The following DCLK3 variants were observed in gnomAD, a reference collection of about 807,000 sequenced individuals.
DCLK3 encodes doublecortin like kinase 3, also known as serine/threonine-protein kinase DCLK3.
DCLK3 carries 30 observed loss-of-function variants against 46.4 expected under a neutral mutation model. That is an observed-to-expected ratio of 0.65 (90% CI 0.48 to 0.88). The LOEUF (loss-of-function observed/expected upper bound fraction) is 0.88. Ranked by LOEUF, DCLK3 falls within the 40% of genes least tolerant of loss-of-function variation. DCLK3 has a pLI of 0.00. For missense variants in DCLK3, 846 were observed against 907.1 expected, an observed-to-expected ratio of 0.93 and a Z score of 0.87; for synonymous variants, 401 against 339.2, an observed-to-expected ratio of 1.18 and a Z score of -2.00.
Position 36,715,319 on chromosome 3 carries a change from A to G in DCLK3, c.*9T>C, listed in dbSNP as rs368184483. 1.9e-6 allele frequency: 3 copies of G among 1,613,910 alleles called. No homozygotes were observed. In the South Asian group the frequency reaches 3.3e-5, roughly 18 times the overall value. On this transcript the variant is annotated 3_prime_UTR_variant, in exon 5 of 5. Coordinates refer to ENST00000636136, the MANE Select transcript of DCLK3 (RefSeq NM_001394672.2). ...GAACTGGGGGCTGGACAGATTCCCA[A>G]GGTGGTGACTATGATACCTGCTCCA... is the stretch of plus-strand genomic sequence containing the variant.
At position 36,737,670 on chromosome 3, in the gene DCLK3, T is replaced by C; in HGVS notation, c.1497A>G (p.Glu499=). The C allele has an allele frequency of 6.2e-7, 1 of 1,613,826 alleles. No homozygotes were observed. Among genetic ancestry groups the C allele is most frequent in the Non-Finnish European group, 8.5e-7 (1 of 1,179,912 alleles). The change falls in exon 2 of 5, where the codon GAA becomes GAG. Residue 499 remains glutamate (E), a synonymous_variant. Transcript: ENST00000636136. This position sits in a 1 kb window ranked among gnomAD's most constrained non-coding sequence, Gnocchi z 4.4. ...KLEKEPKTRP[E]ENKPERPSGR... is the part of the protein sequence containing the mutation. Reference sequence around the variant, plus strand: ...CGCTGGGCCGCTCTGGCTTGTTCTCTTCTGGCCTCGTCTTGGGCTCCTTTT... The same window carrying C: ...CGCTGGGCCGCTCTGGCTTGTTCTCCTCTGGCCTCGTCTTGGGCTCCTTTT...
rs562664410 is a variant in DCLK3 at position 36,716,744 on chromosome 3, C to A, written c.2261-1223G>T. On this transcript the variant is annotated intron_variant, in intron 4 of 4. Coordinates refer to ENST00000636136, the MANE Select transcript of DCLK3 (RefSeq NM_001394672.2). ...TAAGGAAGTGATCTAGAAGAGGGGA[C>A]CTGGGCTCTGGGGGCACATCCCCTA... 2.6e-5 allele frequency among the ~76,000 whole-genome samples: 4 copies of A among 152,338 alleles called. No individual in the cohort carries two copies. The East Asian group carries it at 7.7e-4, about 29-fold the overall frequency.
intron 1 of DCLK3, among the ~76,000 whole-genome samples, chr3:36,753,558 T>G (rs1559394703): frequency 6.6e-6 from 1 of 152,228 alleles, no homozygotes; most frequent in Admixed American, 6.5e-5. Context: ...GCCTCTGCCG[T>G]TTTTGCCTTG....
At chr3:36,759,619 C>T (rs921378999) in intron 1 of DCLK3, among the ~76,000 whole-genome samples, 6 of 152,192 alleles carry the variant, frequency 3.9e-5, no homozygotes, top group African/African-American at 1.4e-4. Context: ...TGATCAAGTC[C>T]TCCCCATCAC....
At chr3:36,732,571 A>G (rs991982302) in intron 2 of DCLK3, among the ~76,000 whole-genome samples, 1 of 152,228 alleles carries the variant, frequency 6.6e-6, no homozygotes, top group Non-Finnish European at 1.5e-5. Context: ...AAATTGGCCA[A>G]TGACCTAAAG....
Position 36,737,376 on chromosome 3 carries a change from G to T in DCLK3, c.1791C>A (p.Tyr597Ter). ...HEVYETDMEI[Y>*]LILEYVQGGD... is the part of the protein sequence containing the mutation. ...CTCCCTGCACGTACTCCAGGATCAG[G>T]TAGATTTCCATGTCTGTTTCGTAGA... Residue 597 changes from tyrosine to a stop codon, truncating the protein, a stop_gained, in exon 2 of 5, where the codon TAC (tyrosine) becomes TAA (stop). Coordinates refer to ENST00000636136, the MANE Select transcript of DCLK3 (RefSeq NM_001394672.2). LOFTEE classifies it high-confidence loss of function. This position sits in a 1 kb window ranked among gnomAD's most constrained non-coding sequence, Gnocchi z 4.4. 6.2e-7 allele frequency: 1 copy of T among 1,614,190 alleles called. No homozygotes were observed. Among genetic ancestry groups the T allele is most frequent in the South Asian group, 1.1e-5 (1 of 91,070 alleles).
chr3:36,758,654 G>A (rs1701509820), intron 1 of DCLK3, among the ~76,000 whole-genome samples: 1 of 152,212 alleles, frequency 6.6e-6, no homozygotes. Flanking sequence ...CAGAACTGTT[G>A]GGAAAGAATC....
intron 1 of DCLK3, among the ~76,000 whole-genome samples, chr3:36,742,148 G>C (rs1701349675): frequency 6.6e-6 from 1 of 152,208 alleles, no homozygotes; most frequent in Non-Finnish European, 1.5e-5. Context: ...TATGTATTGA[G>C]TGTTGACATA....
intron 1 of DCLK3, among the ~76,000 whole-genome samples, chr3:36,753,727 T>C (rs9830302): frequency 0.033 from 4,982 of 152,228 alleles, 289 homozygotes; most frequent in African/African-American, 0.11. Flanking sequence ...TGGAGTACAG[T>C]GGTGCCATCA....
chr3:36,744,325 A>G lies in DCLK3; in HGVS notation c.83-5241T>C, dbSNP rs141906354. Among the ~76,000 whole-genome samples the G allele has an allele frequency of 2.1e-3, 321 of 152,342 alleles. 4 individuals are homozygous for G. The highest frequency in any genetic ancestry group is 0.019 in the Admixed American group (286 of 15,302). On this transcript the variant is annotated intron_variant, in intron 1 of 4. Coordinates refer to ENST00000636136, the MANE Select transcript of DCLK3 (RefSeq NM_001394672.2). ...ACAAAAGACCTCCTGAATACATTAG[A>G]TAAGTGAGGTGAAAAGAAAATATAA...
chr3:36,718,488 CTG>C (rs1423705683), intron 3 of DCLK3, among the ~76,000 whole-genome samples: 1 of 152,212 alleles, frequency 6.6e-6, no homozygotes, highest in African/African-American at 2.4e-5. Flanking sequence ...TTTAACAAGA[CTG>C]TGACGCTCAG....
At chr3:36,760,015 G>C (rs550294452) in intron 1 of DCLK3, among the ~76,000 whole-genome samples, 63 of 152,374 alleles carry the variant, frequency 4.1e-4, no homozygotes, top group African/African-American at 1.5e-3. Context: ...CAGCATGCAA[G>C]AGCAGGCAGT....
Position 36,712,765 on chromosome 3 carries a change from G to A in DCLK3, c.*2563C>T, listed in dbSNP as rs1700926093. The A allele has an allele frequency of 6.6e-6, 1 of 152,076 alleles. No individual in the cohort carries two copies. The highest frequency in any genetic ancestry group is 1.5e-5 in the Non-Finnish European group (1 of 68,010). The allele number at this position is 152,076 out of a possible 1,614,324, so 9.4% of individuals were successfully genotyped here. ...TTGGCAGTCCATCCATGTTGTTCGT[G>A]TATGAATAGTTCATCCCTTTTTTGT... On this transcript the variant is annotated 3_prime_UTR_variant, in exon 5 of 5. Coordinates refer to ENST00000636136, the MANE Select transcript of DCLK3 (RefSeq NM_001394672.2).
intron 2 of DCLK3, among the ~76,000 whole-genome samples, chr3:36,722,363 G>A (rs1701071355): frequency 6.6e-6 from 1 of 152,200 alleles, no homozygotes; most frequent in South Asian, 2.1e-4. Context: ...TAATTGGATT[G>A]CTTGTATTAG....
At chr3:36,755,585 A>T in intron 1 of DCLK3, among the ~76,000 whole-genome samples, 2 of 152,310 alleles carry the variant, frequency 1.3e-5, no homozygotes, top group South Asian at 4.1e-4. Flanking sequence ...CATAAATTTT[A>T]CTTTAATATT....
At chr3:36,726,733 A>T (rs141502835) in intron 2 of DCLK3, among the ~76,000 whole-genome samples, 1 of 152,276 alleles carries the variant, frequency 6.6e-6, no homozygotes, top group East Asian at 1.9e-4. Flanking sequence ...TCCATAATTA[A>T]CCTCACCAAA....
chr3:36,761,172 G>C (rs1701536387), intron 1 of DCLK3, among the ~76,000 whole-genome samples: 1 of 152,200 alleles, frequency 6.6e-6, no homozygotes, highest in Admixed American at 6.5e-5. Flanking sequence ...ACATCATGAT[G>C]CCTCTACATA....
intron 3 of DCLK3, 55 bp from the exon 4 acceptor site, chr3:36,718,232 G>A (rs1435187491): frequency 1.2e-6 from 2 of 1,607,124 alleles, no homozygotes; most frequent in Admixed American, 3.3e-5. Context: ...AGGGTCAAAG[G>A]TGATGAAATA....
chr3:36,756,108 C>T (rs560925348), intron 1 of DCLK3, among the ~76,000 whole-genome samples: 3 of 152,294 alleles, frequency 2.0e-5, no homozygotes, highest in Non-Finnish European at 4.4e-5. Flanking sequence ...GAGGTGATCT[C>T]AGACAGCACT....
Sources: gnomAD v4.1 joint callset for allele counts (sites outside exome capture counted in the v4.1 genomes callset) on GRCh38, gnomAD v4.1.1 for gene constraint, Gnocchi (gnomAD v3.1) non-coding constraint, MANE v1.5 for transcripts, NCBI Gene and HGNC (gene_info 2026-07-23, HGNC 2026-07-21) for gene names.